N4BP2L1: variants seen among roughly 807,000 people sequenced by gnomAD.
N4BP2L1 encodes the protein NEDD4 binding protein 2 like 1.
Under a neutral mutation model 21.2 loss-of-function variants are expected in N4BP2L1, and 12 were observed. The ratio of observed to expected loss-of-function variants is 0.57; its 90% CI spans 0.36 to 0.92. The LOEUF is 0.92. Among genes scored for constraint, N4BP2L1 ranks in the 40% least tolerant of loss-of-function variants. The pLI, the probability that N4BP2L1 is intolerant of heterozygous loss-of-function variation, is 0.01. For synonymous variants in N4BP2L1, 104 were observed against 112.8 expected, an observed-to-expected ratio of 0.92 and a Z score of 0.49; for missense variants, 259 against 310.6, an observed-to-expected ratio of 0.83 and a Z score of 1.25.
chr13:32,428,001 G>A lies in N4BP2L1; in HGVS notation c.82C>T (p.Pro28Ser). The change falls in exon 1 of 5, where the codon CCG (proline) becomes TCG (serine). Residue 28 changes from proline to serine, a missense_variant. Coordinates refer to ENST00000380130, the MANE Select transcript of N4BP2L1 (RefSeq NM_052818.3). ...CGAGGAGGTGTCCCCCGCGGGGGCG[G>A]CCGGGGCGGCCGCTGCCGCTGCTGC... ...QQQQRQRPPRPPPRGTPPRRH... is the reference protein window; with the variant it reads ...QQQQRQRPPRSPPRGTPPRRH... The A allele has an allele frequency of 6.4e-7, 1 of 1,559,360 alleles. No homozygotes were observed.
At chr13:32,407,072 AC>A (rs2073559102) in intron 3 of N4BP2L1, 177 bp downstream of exon 3, 1 of 621,994 alleles carries the variant, frequency 1.6e-6, no homozygotes, top group Non-Finnish European at 2.8e-6. Flanking sequence ...ATCTCAGCAA[AC>A]TTCAGCCATT....
chr13:32,428,161 A>C, upstream of N4BP2L1: 2 of 1,334,118 alleles, frequency 1.5e-6, no homozygotes, highest in South Asian at 2.2e-5. Context: ...TGTTTTTGTG[A>C]CTCTCCGGCC....
intron 1 of N4BP2L1, chr13:32,415,978 CA>C (rs2074115831): frequency 6.6e-6 from 1 of 152,190 alleles, no homozygotes; most frequent in Admixed American, 6.5e-5. Flanking sequence ...ATAAGGTCCA[CA>C]AGGGCAGGAT....
chr13:32,410,199 T>A (rs9595469), intron 1 of N4BP2L1, among the ~76,000 whole-genome samples: 11,259 of 152,314 alleles, frequency 0.074, 1,404 homozygotes, highest in African/African-American at 0.26. Flanking sequence ...GTCACCTGAC[T>A]ACGTGGGGCT....
Position 32,407,114 on chromosome 13 carries a change from C to T in N4BP2L1, c.396+136G>A, listed in dbSNP as rs1032400335. 1.0e-4 allele frequency: 87 copies of T among 841,968 alleles called. 1 individual carries two copies. In the South Asian group the frequency reaches 1.4e-3, roughly 13 times the overall value. The allele number at this position is 841,968 out of a possible 1,614,324, so 52.2% of individuals were successfully genotyped here. ...GCAGAGAAACACTAAAATAAAACCT[C>T]GTTACCTTCTCCCTGGGAGAACCAC... On this transcript the variant is annotated intron_variant, in intron 3 of 4. Transcript: ENST00000380130.
intron 1 of N4BP2L1, chr13:32,416,816 TC>T (rs1473002032): frequency 6.6e-6 from 1 of 152,108 alleles, no homozygotes; most frequent in East Asian, 1.9e-4. Flanking sequence ...TTTTTTTTGT[TC>T]CCCGCCCCAC....
At chr13:32,419,551 C>T in intron 1 of N4BP2L1, 1 of 283,686 alleles carries the variant, frequency 3.5e-6, no homozygotes, top group South Asian at 2.9e-5. Flanking sequence ...GGATTACAGG[C>T]ATAAGCCACT....
intron 1 of N4BP2L1, chr13:32,416,565 G>C (rs1289834225): frequency 1.3e-5 from 2 of 152,134 alleles, no homozygotes; most frequent in African/African-American, 4.8e-5. Flanking sequence ...GAAATCCTTT[G>C]CTTATTTTTT....
rs764424567 is a variant in N4BP2L1 at position 32,404,310 on chromosome 13, CA to C, written c.473+10del. 1.9e-6 allele frequency: 3 copies of C among 1,612,032 alleles called. No individual in the cohort carries two copies. Among genetic ancestry groups the C allele is most frequent in the East Asian group, 4.5e-5 (2 of 44,840 alleles). ...GATACATAATGAGGAACTAGAAAAA[CA>C]AAGAAGTACCTTGCTAACTCTTGAA... On this transcript the variant is annotated intron_variant, in intron 4 of 4. Coordinates refer to ENST00000380130, the MANE Select transcript of N4BP2L1 (RefSeq NM_052818.3).
At chr13:32,421,301 A>C (rs909654393) in intron 1 of N4BP2L1, among the ~76,000 whole-genome samples, 55 of 152,224 alleles carry the variant, frequency 3.6e-4, no homozygotes, top group African/African-American at 1.3e-3. Flanking sequence ...AGAAGAAAAG[A>C]AAGCCAAGGT....
chr13:32,410,585 T>C (rs1436334106), intron 1 of N4BP2L1, among the ~76,000 whole-genome samples: 1 of 152,216 alleles, frequency 6.6e-6, no homozygotes, highest in Non-Finnish European at 1.5e-5. Context: ...TCTTTAAAGA[T>C]ACGCACATCG....
chr13:32,411,544 G>A, intron 1 of N4BP2L1: 6 of 985,364 alleles, frequency 6.1e-6, no homozygotes, highest in Non-Finnish European at 7.2e-6. Context: ...ATCAGCTTCA[G>A]AAGTGATGAG....
At chr13:32,410,304 G>A (rs996099482) in intron 1 of N4BP2L1, among the ~76,000 whole-genome samples, 1 of 152,204 alleles carries the variant, frequency 6.6e-6, no homozygotes, top group Non-Finnish European at 1.5e-5. Flanking sequence ...CCTCACCCAG[G>A]TCTCTTCACA....
intron 1 of N4BP2L1, among the ~76,000 whole-genome samples, chr13:32,414,823 C>T (rs1566318988): frequency 1.3e-5 from 2 of 152,184 alleles, no homozygotes; most frequent in Non-Finnish European, 1.5e-5. Context: ...GTGGGGCTGC[C>T]AGAACCTTAC....
rs879119265 is a variant in N4BP2L1, at chr13:32,402,438, C to G, written c.*504G>C. On this transcript the variant is annotated 3_prime_UTR_variant, in exon 5 of 5. Coordinates refer to ENST00000380130, the MANE Select transcript of N4BP2L1 (RefSeq NM_052818.3). ...TGGCATATTAACATTAAAGGAAAAT[C>G]AGTATCATAAGAGTCGCACATCTCA... 2.1e-6 allele frequency: 2 copies of G among 953,802 alleles called. No homozygotes were observed. The highest frequency in any genetic ancestry group is 3.6e-5 in the African/African-American group (2 of 56,140). 59.1% of individuals were successfully genotyped at this position (953,802 alleles called of 1,614,324 possible). A position where few individuals can be genotyped will look rare whatever the true frequency, so the allele number is the denominator to read the frequency against.
In N4BP2L1 at chr13:32,402,648, A is replaced by G. The variant is rs976576041; in HGVS notation, c.*294T>C. ...ATAATATAAACACTTTATTTCATCT[A>G]TGAACCTATGTAAATATATTCTTGG... On this transcript the variant is annotated 3_prime_UTR_variant, in exon 5 of 5. Transcript: ENST00000380130. 1.1e-5 allele frequency: 13 copies of G among 1,135,690 alleles called. No individual in the cohort carries two copies. The African/African-American group carries it at 1.6e-4, about 14-fold the overall frequency. The allele number at this position is 1,135,690 out of a possible 1,614,324, so 70.4% of individuals were successfully genotyped here.
intron 3 of N4BP2L1, among the ~76,000 whole-genome samples, chr13:32,405,509 C>A (rs536498141): frequency 2.0e-5 from 3 of 151,636 alleles, no homozygotes; most frequent in Admixed American, 6.6e-5. Context: ...GACTCTCTCT[C>A]TAAACAAAAC....
chr13:32,404,097 AC>A, intron 4 of N4BP2L1: 1 of 1,515,564 alleles, frequency 6.6e-7, no homozygotes, highest in Non-Finnish European at 8.9e-7. Context: ...CTTTTAAAGG[AC>A]CAAGTCCAAG....
chr13:32,408,575 G>C (rs927952496), intron 1 of N4BP2L1, among the ~76,000 whole-genome samples: 1 of 152,186 alleles, frequency 6.6e-6, no homozygotes, highest in African/African-American at 2.4e-5. Flanking sequence ...ATCCTTGCTC[G>C]TACTATCTTT....
Sources: gnomAD v4.1 joint callset for allele counts (sites outside exome capture counted in the v4.1 genomes callset) on GRCh38, gnomAD v4.1.1 for gene constraint, MANE v1.5 for transcripts, NCBI Gene and HGNC (gene_info 2026-07-23, HGNC 2026-07-21) for gene names.